The following LRP1B variants were observed in gnomAD, a reference collection of about 807,000 sequenced individuals.
The protein encoded by LRP1B is low-density lipoprotein receptor-related protein 1B.
Under a neutral mutation model 556.6 loss-of-function variants are expected in LRP1B, and 217 were observed. That is an observed-to-expected ratio of 0.39 (90% CI 0.35 to 0.44). LRP1B has a LOEUF of 0.44. LRP1B is among the 20% of genes least tolerant of loss of function. The pLI, the probability that LRP1B is intolerant of heterozygous loss-of-function variation, is 1.00. For missense variants in LRP1B, 5,053 were observed against 5,620.8 expected, an observed-to-expected ratio of 0.90 and a Z score of 3.23; for synonymous variants, 2,047 against 1,865.8, an observed-to-expected ratio of 1.10 and a Z score of -2.50.
intron 41 of LRP1B, among the ~76,000 whole-genome samples, chr2:140,672,350 G>T (rs914391638): frequency 2.6e-5 from 4 of 151,920 alleles, no homozygotes; most frequent in Non-Finnish European, 4.4e-5. Flanking sequence ...TGGGCGTGGT[G>T]GTGTGCACCT....
intron 7 of LRP1B, among the ~76,000 whole-genome samples, chr2:141,187,935 G>C (rs541960186): frequency 2.0e-5 from 3 of 151,894 alleles, no homozygotes; most frequent in Non-Finnish European, 2.9e-5. Context: ...GAACGTAAGA[G>C]TCTGAACAAA....
intron 41 of LRP1B, among the ~76,000 whole-genome samples, chr2:140,642,694 A>G (rs1364927613): frequency 2.0e-5 from 3 of 152,112 alleles, no homozygotes; most frequent in African/African-American, 4.8e-5. Flanking sequence ...TACAAAAAAA[A>G]TTAGCTGGGC....
chr2:141,803,232 T>C (rs1254850200), intron 2 of LRP1B, among the ~76,000 whole-genome samples: 1 of 151,164 alleles, frequency 6.6e-6, no homozygotes, highest in East Asian at 2.0e-4. Context: ...TTTTTTTTAA[T>C]TGTAGAGGCA....
chr2:140,618,924 G>T (rs887561827), intron 41 of LRP1B, among the ~76,000 whole-genome samples: 1 of 151,932 alleles, frequency 6.6e-6, no homozygotes, highest in Non-Finnish European at 1.5e-5. Flanking sequence ...TCGTAAAATG[G>T]GACCTCTAAT....
chr2:141,441,812 A>G (rs1680986916), intron 3 of LRP1B, among the ~76,000 whole-genome samples: 1 of 152,222 alleles, frequency 6.6e-6, no homozygotes, highest in African/African-American at 2.4e-5. Flanking sequence ...CAATAATGCA[A>G]GTTGAACTGA....
intron 3 of LRP1B, among the ~76,000 whole-genome samples, chr2:141,353,376 A>T (rs1469656656): frequency 6.6e-6 from 1 of 151,998 alleles, no homozygotes; most frequent in African/African-American, 2.4e-5. Flanking sequence ...CTTACATAAG[A>T]CTATAAAATA....
At chr2:140,846,841 G>T (rs1559153598) in intron 29 of LRP1B, among the ~76,000 whole-genome samples, 1 of 152,170 alleles carries the variant, frequency 6.6e-6, no homozygotes, top group Non-Finnish European at 1.5e-5. Flanking sequence ...ATTACTGGTG[G>T]AATTTGAGAT....
rs146735611 is a variant in LRP1B at position 141,230,385 on chromosome 2, A to C, written c.593-945T>G. Among the ~76,000 whole-genome samples, 613 of 152,218 alleles carry C rather than the reference A, an allele frequency of 4.0e-3. 3 individuals are homozygous for C. The highest frequency in any genetic ancestry group is 0.01 in the Middle Eastern group (3 of 294). ...ATGATCACTCATCTAGATTATTTCA[A>C]AGTTTTCTGCCTGGTTTCCCTTTTT... is the stretch of plus-strand genomic sequence containing the variant. On this transcript the variant is annotated intron_variant, in intron 5 of 90. Coordinates refer to ENST00000389484, the MANE Select transcript of LRP1B (RefSeq NM_018557.3).
chr2:141,911,114 C>A (rs939473742), intron 1 of LRP1B, among the ~76,000 whole-genome samples: 1 of 151,984 alleles, frequency 6.6e-6, no homozygotes, highest in African/African-American at 2.4e-5. Context: ...TTTAATACCA[C>A]TTAAGTATTC....
chr2:140,498,742 C>T (rs147711421), intron 55 of LRP1B, among the ~76,000 whole-genome samples: 6 of 151,756 alleles, frequency 4.0e-5, no homozygotes, highest in Non-Finnish European at 7.4e-5. Flanking sequence ...ACTCAGTTTC[C>T]TATCAACAAA....
chr2:140,971,619 G>C (rs973129501), intron 18 of LRP1B, among the ~76,000 whole-genome samples: 1 of 152,138 alleles, frequency 6.6e-6, no homozygotes, highest in Non-Finnish European at 1.5e-5. Context: ...ATCACGACAA[G>C]GTCAGGAGAT....
At chr2:141,579,489 C>T (rs1314046765) in intron 2 of LRP1B, among the ~76,000 whole-genome samples, 1 of 152,030 alleles carries the variant, frequency 6.6e-6, no homozygotes, top group Non-Finnish European at 1.5e-5. Context: ...TTCCATGGTA[C>T]AGTCAGAGAC....
intron 7 of LRP1B, among the ~76,000 whole-genome samples, chr2:141,140,266 G>A (rs900928594): frequency 1.8e-4 from 27 of 152,008 alleles, no homozygotes; most frequent in African/African-American, 5.8e-4. Flanking sequence ...TGTTTCCACT[G>A]ACATATATAT....
intron 7 of LRP1B, among the ~76,000 whole-genome samples, chr2:141,168,457 C>A (rs1480434745): frequency 6.6e-6 from 1 of 151,782 alleles, no homozygotes; most frequent in Non-Finnish European, 1.5e-5. Flanking sequence ...TTGCACTGTG[C>A]AAGACAGTAA....
At chr2:141,239,229 T>A (rs567581949) in intron 5 of LRP1B, among the ~76,000 whole-genome samples, 1 of 152,252 alleles carries the variant, frequency 6.6e-6, no homozygotes, top group Non-Finnish European at 1.5e-5. Flanking sequence ...AGGAGACAGT[T>A]GTCAGTTGTG....
chr2:140,591,278 A>G (rs553087944), intron 43 of LRP1B, among the ~76,000 whole-genome samples: 2 of 152,328 alleles, frequency 1.3e-5, no homozygotes, highest in Non-Finnish European at 2.9e-5. Context: ...TGCAATGTCC[A>G]TCATGTAAAA....
chr2:140,535,182 A>G (rs1031640117), intron 46 of LRP1B, among the ~76,000 whole-genome samples: 1 of 152,076 alleles, frequency 6.6e-6, no homozygotes, highest in Non-Finnish European at 1.5e-5. Flanking sequence ...CTGAACCTTT[A>G]CAGAAAATGC....
chr2:141,560,976 A>C (rs1230857971), intron 2 of LRP1B, among the ~76,000 whole-genome samples: 2 of 151,706 alleles, frequency 1.3e-5, no homozygotes, highest in Non-Finnish European at 3.0e-5. Context: ...ACTTATAACT[A>C]AGACTCCCAG....
chr2:141,617,267 A>G (rs1688340867), intron 2 of LRP1B, among the ~76,000 whole-genome samples: 1 of 152,236 alleles, frequency 6.6e-6, no homozygotes. Flanking sequence ...AAACAAATAT[A>G]CAAACACAAG....
Sources: allele counts gnomAD v4.1 joint callset (sites outside exome capture counted in the v4.1 genomes callset), GRCh38; gene constraint gnomAD v4.1.1; transcripts MANE v1.5; gene names NCBI Gene and HGNC (gene_info 2026-07-23, HGNC 2026-07-21).